The following GPC6 variants were observed in gnomAD, a reference collection of about 807,000 sequenced individuals.
GPC6 encodes the protein glypican-6.
A neutral mutation model predicts 55.2 loss-of-function variants in GPC6; 14 were observed. The observed-to-expected ratio is 0.25, with a 90% confidence interval of 0.17 to 0.40. The LOEUF is 0.40. GPC6 is among the 10% of genes least tolerant of loss of function. The probability of loss-of-function intolerance (pLI) is 1.00; values close to 1 mark genes in which losing one functional copy is unlikely to be tolerated. For missense variants in GPC6, 641 were observed against 708.5 expected (o/e 0.90, Z 1.08); for synonymous variants, 278 against 259.6 (o/e 1.07, Z -0.68).
intron 1 of GPC6, among the ~76,000 whole-genome samples, chr13:93,333,443 T>C (rs1478251252): frequency 6.6e-6 from 1 of 152,154 alleles, no homozygotes; most frequent in Non-Finnish European, 1.5e-5. Context: ...ACTAGTTATT[T>C]GATTTTTTTT....
chr13:94,295,923 TCTGC>T (rs1875308826), intron 5 of GPC6, among the ~76,000 whole-genome samples: 1 of 152,142 alleles, frequency 6.6e-6, no homozygotes, highest in African/African-American at 2.4e-5. Flanking sequence ...CTATTTGTAT[TCTGC>T]CTATCAGTTC....
intron 1 of GPC6, among the ~76,000 whole-genome samples, chr13:93,412,115 C>T (rs1276040394): frequency 6.6e-6 from 1 of 152,038 alleles, no homozygotes; most frequent in Admixed American, 6.6e-5. Flanking sequence ...ACCGTGATAA[C>T]ATTCCTTATA....
intron 4 of GPC6, among the ~76,000 whole-genome samples, chr13:94,268,989 T>C (rs1383588395): frequency 6.6e-6 from 1 of 152,184 alleles, no homozygotes; most frequent in African/African-American, 2.4e-5. Flanking sequence ...GGGCATCCAA[T>C]TCTGTTCTCA....
rs923166032 is a variant in GPC6 at position 93,852,862 on chromosome 13, C to G, written c.711+22317C>G. ...CTCTCTCTTATTGGCTAGTATCATTCCCAGAAGGGATCTGTCTTTTGTGCT... is the reference window on the plus strand; with the variant it reads ...CTCTCTCTTATTGGCTAGTATCATTGCCAGAAGGGATCTGTCTTTTGTGCT... On this transcript the variant is annotated intron_variant, in intron 3 of 8. Coordinates refer to ENST00000377047, the MANE Select transcript of GPC6 (RefSeq NM_005708.5). 2.6e-5 allele frequency among the ~76,000 whole-genome samples: 4 copies of G among 151,590 alleles called. No homozygotes were observed. In the Admixed American group the frequency reaches 2.6e-4, roughly 10 times the overall value.
intron 2 of GPC6, among the ~76,000 whole-genome samples, chr13:93,666,352 A>T (rs950682240): frequency 6.6e-6 from 1 of 152,184 alleles, no homozygotes; most frequent in African/African-American, 2.4e-5. Flanking sequence ...TTTAAAAAAA[A>T]AAAGGTCAAA....
chr13:94,236,712 C>A (rs369649459), intron 4 of GPC6, among the ~76,000 whole-genome samples: 183 of 152,172 alleles, frequency 1.2e-3, no homozygotes, highest in South Asian at 4.8e-3. Flanking sequence ...ATTCATTCTA[C>A]AAGTATTTCC....
At chr13:93,947,590 C>T (rs1035219427) in intron 3 of GPC6, among the ~76,000 whole-genome samples, 2 of 152,058 alleles carry the variant, frequency 1.3e-5, no homozygotes, top group African/African-American at 2.4e-5. Context: ...GCCTAATTTC[C>T]CAAAGTTGCT....
At chr13:93,309,552 A>G (rs1236623772) in intron 1 of GPC6, among the ~76,000 whole-genome samples, 1 of 152,204 alleles carries the variant, frequency 6.6e-6, no homozygotes, top group African/African-American at 2.4e-5. Context: ...TTTTAAACAT[A>G]TTTTAAACTA....
At chr13:93,873,773 A>G (rs995964959) in intron 3 of GPC6, among the ~76,000 whole-genome samples, 4 of 151,982 alleles carry the variant, frequency 2.6e-5, no homozygotes, top group Admixed American at 1.3e-4. Flanking sequence ...TCATGAAACC[A>G]GTTCCTACCT....
intron 2 of GPC6, among the ~76,000 whole-genome samples, chr13:93,788,403 A>G (rs1885880692): frequency 6.6e-6 from 1 of 152,044 alleles, no homozygotes; most frequent in Admixed American, 6.6e-5. Context: ...TTAATATTTC[A>G]CATTGGCAAT....
At chr13:93,309,059 G>A (rs1405441622) in intron 1 of GPC6, among the ~76,000 whole-genome samples, 2 of 152,064 alleles carry the variant, frequency 1.3e-5, no homozygotes, top group African/African-American at 4.8e-5. Context: ...TACTGAACTG[G>A]AACAATGAAC....
intron 2 of GPC6, among the ~76,000 whole-genome samples, chr13:93,754,143 A>T (rs1255591907): frequency 6.6e-6 from 1 of 152,156 alleles, no homozygotes. Flanking sequence ...GGTATTTTCA[A>T]ACTTTCTCCT....
At chr13:94,083,196 G>A (rs556093598) in intron 4 of GPC6, among the ~76,000 whole-genome samples, 7 of 152,144 alleles carry the variant, frequency 4.6e-5, no homozygotes, top group Non-Finnish European at 8.8e-5. Context: ...TCGGGTCACT[G>A]CAAGCTCTGC....
intron 2 of GPC6, among the ~76,000 whole-genome samples, chr13:93,620,961 T>A (rs9556311): frequency 0.029 from 4,449 of 152,270 alleles, 197 homozygotes; most frequent in African/African-American, 0.094. Context: ...CCCCCCAGTA[T>A]AATCAATGAG....
intron 4 of GPC6, among the ~76,000 whole-genome samples, chr13:94,112,188 T>A (rs1594744407): frequency 6.6e-6 from 1 of 152,320 alleles, no homozygotes; most frequent in East Asian, 1.9e-4. Flanking sequence ...ATGAAGATGA[T>A]TAAAATAACT....
intron 1 of GPC6, among the ~76,000 whole-genome samples, chr13:93,486,781 C>T (rs1879727112): frequency 6.6e-6 from 1 of 151,954 alleles, no homozygotes; most frequent in Non-Finnish European, 1.5e-5. Context: ...CCCATCTCTA[C>T]TAAAAATACA....
At chr13:93,301,779 C>T (rs1878689644) in intron 1 of GPC6, among the ~76,000 whole-genome samples, 1 of 152,118 alleles carries the variant, frequency 6.6e-6, no homozygotes, top group Non-Finnish European at 1.5e-5. Flanking sequence ...AGAAACATCC[C>T]AAGACATGCC....
intron 4 of GPC6, among the ~76,000 whole-genome samples, chr13:94,124,207 A>T (rs186748263): frequency 2.7e-4 from 41 of 152,236 alleles, no homozygotes; most frequent in Middle Eastern, 3.4e-3. Flanking sequence ...TTTTTACAAC[A>T]TGACTCTTGA....
chr13:93,604,527 G>A (rs1450243158), intron 2 of GPC6, among the ~76,000 whole-genome samples: 1 of 152,136 alleles, frequency 6.6e-6, no homozygotes, highest in Non-Finnish European at 1.5e-5. Flanking sequence ...TTTGGAGGTT[G>A]ATGATCTTCT....
Sources: gnomAD v4.1 joint callset for allele counts (sites outside exome capture counted in the v4.1 genomes callset) on GRCh38, gnomAD v4.1.1 for gene constraint, MANE v1.5 for transcripts, NCBI Gene and HGNC (gene_info 2026-07-23, HGNC 2026-07-21) for gene names.